Variants in ABCC1 observed in about 807,000 individuals in gnomAD.
ABCC1 encodes the protein multidrug resistance-associated protein 1.
In ABCC1, 83 loss-of-function variants were observed where a neutral mutation model predicts 172.9. The observed-to-expected ratio is 0.48, with a 90% CI of 0.40 to 0.58. ABCC1 has a LOEUF of 0.58. ABCC1 is among the 20% of genes least tolerant of loss of function. The pLI is 0.00. For synonymous variants in ABCC1, 937 were observed against 825.2 expected, an observed-to-expected ratio of 1.14 and a Z score of -2.32; for missense variants, 1,817 against 2,002.7, an observed-to-expected ratio of 0.91 and a Z score of 1.77.
At chr16:16,118,851 C>G (rs2045022737) in intron 23 of ABCC1, among the ~76,000 whole-genome samples, 2 of 146,384 alleles carry the variant, frequency 1.4e-5, no homozygotes, top group African/African-American at 2.5e-5. Flanking sequence ...CATTTATCCT[C>G]TCACTAGGCA....
chr16:16,123,162 T>G (rs1321258480), intron 24 of ABCC1, among the ~76,000 whole-genome samples: 2 of 152,104 alleles, frequency 1.3e-5, no homozygotes, highest in East Asian at 3.9e-4. Context: ...CCTTCAGAAT[T>G]TTTAGGGAGT....
intron 20 of ABCC1, among the ~76,000 whole-genome samples, chr16:16,105,627 G>A (rs1044188222): frequency 6.6e-6 from 1 of 152,082 alleles, no homozygotes; most frequent in Admixed American, 6.6e-5. Context: ...CAGGAGATAA[G>A]TGGGTAGAGG....
chr16:16,012,709 G>C (rs879443058), intron 3 of ABCC1, among the ~76,000 whole-genome samples: 1,720 of 121,016 alleles, frequency 0.014, 44 homozygotes, highest in African/African-American at 0.06. Context: ...TTCCTTTGAG[G>C]CAGAGTTTCG....
At chr16:16,088,528 G>A (rs964015223) in intron 18 of ABCC1, among the ~76,000 whole-genome samples, 1 of 152,150 alleles carries the variant, frequency 6.6e-6, no homozygotes, top group Non-Finnish European at 1.5e-5. Context: ...TAGAGAGCAA[G>A]GGTTAGCAAA....
chr16:15,966,947 C>G (rs1271175895), intron 1 of ABCC1, among the ~76,000 whole-genome samples: 1 of 152,166 alleles, frequency 6.6e-6, no homozygotes. Context: ...TTCCAAAGTG[C>G]TGGGATTACA....
At chr16:15,991,083 G>T (rs1442408399) in intron 1 of ABCC1, among the ~76,000 whole-genome samples, 2 of 152,092 alleles carry the variant, frequency 1.3e-5, no homozygotes, top group African/African-American at 2.4e-5. Context: ...TGTGAGTGAC[G>T]CTCCAGTGAA....
At chr16:16,025,903 C>T (rs2048352757) in intron 5 of ABCC1, among the ~76,000 whole-genome samples, 1 of 152,150 alleles carries the variant, frequency 6.6e-6, no homozygotes, top group Non-Finnish European at 1.5e-5. Flanking sequence ...CTATCTGGGA[C>T]AGGAGTTACT....
At chr16:16,055,262 A>G (rs1037575896) in intron 11 of ABCC1, among the ~76,000 whole-genome samples, 2 of 151,974 alleles carry the variant, frequency 1.3e-5, no homozygotes, top group Non-Finnish European at 2.9e-5. Flanking sequence ...GACAAGAAAT[A>G]AGAAAACAGG....
chr16:16,046,854 G>C (rs1182926212), intron 9 of ABCC1, among the ~76,000 whole-genome samples: 1 of 151,550 alleles, frequency 6.6e-6, no homozygotes, highest in Non-Finnish European at 1.5e-5. Context: ...ATGAACTAGA[G>C]GAGTGATTCT....
At chr16:15,959,311 G>T (rs2046075104) in intron 1 of ABCC1, among the ~76,000 whole-genome samples, 1 of 152,078 alleles carries the variant, frequency 6.6e-6, no homozygotes, top group South Asian at 2.1e-4. Context: ...AACAAAAATG[G>T]CTTTCTTTTT....
intron 1 of ABCC1, among the ~76,000 whole-genome samples, chr16:15,978,558 C>T (rs942423069): frequency 1.3e-5 from 2 of 152,092 alleles, no homozygotes; most frequent in African/African-American, 2.4e-5. Flanking sequence ...ATGGACAAAT[C>T]GTATCTTATA....
At chr16:15,965,377 C>T (rs181840966) in intron 1 of ABCC1, among the ~76,000 whole-genome samples, 5 of 152,012 alleles carry the variant, frequency 3.3e-5, no homozygotes, top group Admixed American at 1.3e-4. Context: ...CTGCAAGCTC[C>T]GCCTCCCAGG....
chr16:16,009,754 T>C lies in ABCC1; in HGVS notation c.226-22T>C. 4 of 1,595,378 alleles carry C rather than the reference T, an allele frequency of 2.5e-6. No individual in the cohort carries two copies. The South Asian group carries it at 3.4e-5, about 14-fold the overall frequency. On this transcript the variant is annotated intron_variant, in intron 2 of 30. Transcript: ENST00000399410. Reference sequence around the variant, plus strand: ...GGTTCCAGGGCGGTCTGTTGTAGGATATGTATGTGCTTCTCTTCCAGGCCT... The same window carrying C: ...GGTTCCAGGGCGGTCTGTTGTAGGACATGTATGTGCTTCTCTTCCAGGCCT...
At chr16:15,974,525 T>C (rs551316280) in intron 1 of ABCC1, among the ~76,000 whole-genome samples, 46 of 152,204 alleles carry the variant, frequency 3.0e-4, no homozygotes, top group African/African-American at 8.9e-4. Context: ...TCTGGAAACT[T>C]AGAAAAAAGC....
intron 7 of ABCC1, among the ~76,000 whole-genome samples, chr16:16,042,962 A>C (rs2049034952): frequency 6.6e-6 from 1 of 151,680 alleles, no homozygotes; most frequent in Admixed American, 6.6e-5. Flanking sequence ...CCTGAGTTCA[A>C]GCGATTCTCC....
intron 1 of ABCC1, among the ~76,000 whole-genome samples, chr16:15,955,979 G>A (rs1203010309): frequency 1.3e-5 from 2 of 152,122 alleles, no homozygotes; most frequent in Non-Finnish European, 2.9e-5. Flanking sequence ...GCAGCGCGGT[G>A]GCTTACACCT....
intron 11 of ABCC1, among the ~76,000 whole-genome samples, chr16:16,054,370 C>T (rs935225936): frequency 6.6e-6 from 1 of 152,164 alleles, no homozygotes; most frequent in Non-Finnish European, 1.5e-5. Flanking sequence ...TAGCGCCCTG[C>T]TTTGGGGACC....
chr16:16,030,828 G>A (rs898070088), intron 5 of ABCC1, among the ~76,000 whole-genome samples: 8 of 151,960 alleles, frequency 5.3e-5, no homozygotes, highest in Non-Finnish European at 7.4e-5. Context: ...ATTGCCTGGT[G>A]CGGGTAGGGC....
intron 1 of ABCC1, among the ~76,000 whole-genome samples, chr16:16,005,744 G>A (rs1447072830): frequency 6.6e-6 from 1 of 152,182 alleles, no homozygotes; most frequent in East Asian, 1.9e-4. Context: ...ATCACCTGAG[G>A]TTTAGGACTT....
Sources: gnomAD v4.1 joint callset for allele counts (sites outside exome capture counted in the v4.1 genomes callset) on GRCh38, gnomAD v4.1.1 for gene constraint, MANE v1.5 for transcripts, NCBI Gene and HGNC (gene_info 2026-07-23, HGNC 2026-07-21) for gene names.